The following PCED1A variants were observed in gnomAD, a reference collection of about 807,000 sequenced individuals.
PCED1A encodes the protein PC-esterase domain containing 1A, also known as PC-esterase domain-containing protein 1A.
A neutral mutation model predicts 41.9 loss-of-function variants in PCED1A; 20 were observed. The observed-to-expected ratio is 0.48, with a 90% CI of 0.34 to 0.69. The LOEUF (loss-of-function observed/expected upper bound fraction) is 0.69, where lower values mean the gene tolerates loss of function less well. Among genes scored for constraint, PCED1A ranks in the 30% least tolerant of loss-of-function variants. PCED1A has a pLI of 0.01. For synonymous variants in PCED1A, 236 were observed against 241.3 expected (o/e 0.98, Z 0.20); for missense variants, 498 against 602.1 (o/e 0.83, Z 1.81).
chr20:2,838,188 G>A lies in PCED1A; in HGVS notation c.841+44C>T, dbSNP rs760082867. On this transcript the variant is annotated intron_variant, in intron 6 of 7. Coordinates refer to ENST00000360652, the MANE Select transcript of PCED1A (RefSeq NM_022760.6). The surrounding 1 kb of genome is among the most constrained non-coding windows in gnomAD (Gnocchi z 5.8). ...TCTGTTTCTGAGCCCTGTCCTCTGA[G>A]GGCCCCAGTGCATCACTACCCCCCC... The A allele has an allele frequency of 1.5e-5, 24 of 1,611,938 alleles. No homozygotes were observed. Among genetic ancestry groups the A allele is most frequent in the African/African-American group, 4.0e-5 (3 of 74,868 alleles).
In PCED1A at chr20:2,839,907, G is replaced by A; in HGVS notation, c.6C>T (p.Val2=). M[V]FCLSSEEPRR... ...GCGGCTCCTCGCTCGACAGACAGAAGACCATGCCGCCACCAGCAACGACAG... is the reference window on the plus strand; with the variant it reads ...GCGGCTCCTCGCTCGACAGACAGAAAACCATGCCGCCACCAGCAACGACAG... The change falls in exon 2 of 8, where the codon GTC becomes GTT. Residue 2 remains valine (V), a synonymous_variant. Transcript: ENST00000360652. The A allele has an allele frequency of 6.2e-7, 1 of 1,612,208 alleles. No individual in the cohort carries two copies. The highest frequency in any genetic ancestry group is 8.5e-7 in the Non-Finnish European group (1 of 1,179,572).
chr20:2,837,972 T>C (rs1033434133), intron 6 of PCED1A, among the ~76,000 whole-genome samples: 4 of 152,216 alleles, frequency 2.6e-5, no homozygotes, highest in African/African-American at 9.6e-5. Flanking sequence ...TGCTGCCTTA[T>C]GTGGTCAATA....
In PCED1A at chr20:2,840,576, TG is replaced by T; in HGVS notation, c.-388del. 1.6e-6 allele frequency: 1 copy of T among 620,392 alleles called. No individual in the cohort carries two copies. The highest frequency in any genetic ancestry group is 1.9e-5 in the African/African-American group (1 of 52,310). The allele number at this position is 620,392 out of a possible 1,614,324, so 38.4% of individuals were successfully genotyped here. On this transcript the variant is annotated 5_prime_UTR_variant, in exon 1 of 8. Transcript: ENST00000360652. Reference sequence around the variant, plus strand: ...CGCCACAGGGCGCAGGAGCCAGGGCTGGGCCCACTTGGCGGGCGCGAAGCCC... The same window carrying T: ...CGCCACAGGGCGCAGGAGCCAGGGCTGGCCCACTTGGCGGGCGCGAAGCCC...
upstream of PCED1A, chr20:2,841,140 G>A (rs529061514): frequency 1.2e-4 from 53 of 445,916 alleles, no homozygotes; most frequent in Non-Finnish European, 2.0e-4. Flanking sequence ...TCTCCTGCCG[G>A]AAAGTGCTGC....
rs1192387408 is a variant in PCED1A at position 2,836,037 on chromosome 20, AC to A, written c.1117+1del. The A allele has an allele frequency of 1.4e-6, 2 of 1,479,780 alleles. No homozygotes were observed. Among genetic ancestry groups the A allele is most frequent in the Non-Finnish European group, 1.8e-6 (2 of 1,112,872 alleles). The allele number at this position is 1,479,780 out of a possible 1,614,324, so 91.7% of individuals were successfully genotyped here. On this transcript the variant is annotated splice_donor_variant, in intron 7 of 7. Transcript: ENST00000360652. LOFTEE classifies it high-confidence loss of function. ...GGGTGGGGGAGCTGCAGAAGCACCT[AC>A]CTAAGTGGGGTGGCATCGAGAAGTC...
upstream of PCED1A, chr20:2,841,108 G>A (rs1219776298): frequency 6.4e-5 from 32 of 499,638 alleles, no homozygotes; most frequent in South Asian, 6.8e-4. Flanking sequence ...GAGGCAGCTC[G>A]CGGGTGACAG....
intron 6 of PCED1A, among the ~76,000 whole-genome samples, chr20:2,837,562 A>G (rs1354995953): frequency 6.6e-6 from 1 of 152,202 alleles, no homozygotes; most frequent in African/African-American, 2.4e-5. Flanking sequence ...GGGTGTTGAC[A>G]TGGAAACAGA....
chr20:2,837,833 C>T (rs1447222050), intron 6 of PCED1A, among the ~76,000 whole-genome samples: 2 of 152,128 alleles, frequency 1.3e-5, no homozygotes, highest in African/African-American at 2.4e-5. Context: ...ACTGTACCCC[C>T]ACCCCCCAGC....
Position 2,840,212 on chromosome 20 carries a change from A to G in PCED1A, c.-23T>C. 3.6e-6 allele frequency: 1 copy of G among 274,638 alleles called. No homozygotes were observed. Among genetic ancestry groups the G allele is most frequent in the Non-Finnish European group, 6.8e-6 (1 of 147,574 alleles). The allele number at this position is 274,638 out of a possible 1,614,324, so 17.0% of individuals were successfully genotyped here. A position where few individuals can be genotyped will look rare whatever the true frequency, so the allele number is the denominator to read the frequency against. On this transcript the variant is annotated splice_region_variant and 5_prime_UTR_variant, in exon 1 of 8. Coordinates refer to ENST00000360652, the MANE Select transcript of PCED1A (RefSeq NM_022760.6). ...CGCGCACCCGCTCGCGCCAATTACC[A>G]AGTCCCGGGGCTCCGCGGTGTTCAC...
rs755283839 is a variant in PCED1A at position 2,838,624 on chromosome 20, C to T, written c.566G>A (p.Arg189His). Residue 189 changes from arginine (R) to histidine (H), a missense_variant, in exon 5 of 8, where the codon CGT becomes CAT. Physicochemically the swap from Arg to His is conservative, Grantham distance 29. Coordinates refer to ENST00000360652, the MANE Select transcript of PCED1A (RefSeq NM_022760.6). This position sits in a 1 kb window ranked among gnomAD's most constrained non-coding sequence, Gnocchi z 5.8. ...TGGCAGGAGGAAACCCCCAGTGATA[C>T]GTTCCCCGAGGGGCATCGCCATGTT... ...VWNMAMPLGE[R>H]ITGGFLLPEL... 1.2e-5 allele frequency: 19 copies of T among 1,614,102 alleles called. No individual in the cohort carries two copies. Among genetic ancestry groups the T allele is most frequent in the African/African-American group, 2.7e-5 (2 of 74,938 alleles).
At chr20:2,840,667 C>T (rs940056343), upstream of PCED1A, 9 of 1,245,570 alleles carry the variant, frequency 7.2e-6, no homozygotes, top group Middle Eastern at 2.7e-4. Flanking sequence ...ATGGCCGCGG[C>T]GGCGGCCTCG....
At chr20:2,840,688 C>G (rs1009216144), upstream of PCED1A, 16 of 1,445,386 alleles carry the variant, frequency 1.1e-5, no homozygotes, top group South Asian at 1.7e-4. Flanking sequence ...CCACGTGACC[C>G]GGACGGGCGG....
At position 2,838,698 on chromosome 20, in the gene PCED1A, C is replaced by T. The variant is rs1394481250; in HGVS notation, c.492G>A (p.Val164=). The T allele has an allele frequency of 9.9e-6, 16 of 1,614,108 alleles. No individual in the cohort carries two copies. The highest frequency in any genetic ancestry group is 5.0e-5 in the Admixed American group (3 of 60,014). Residue 164 remains valine (V), a synonymous_variant, in exon 5 of 8, where the codon GTG becomes GTA. Transcript: ENST00000360652. The surrounding 1 kb of genome is among the most constrained non-coding windows in gnomAD (Gnocchi z 5.8). ...GCAATACTTGGTCCATGCGCACAAA[C>T]ACCCGCTCCAGGTTCTCCCGGTAGC... ...MESYRENLER[V]FVRMDQVLPD...
At position 2,840,644 on chromosome 20, in the gene PCED1A, G is replaced by C; in HGVS notation, c.-455C>G. On this transcript the variant is annotated 5_prime_UTR_variant, in exon 1 of 8. Transcript: ENST00000360652. Reference sequence around the variant, plus strand: ...CTCGGGGCGGCAGCCAAGTGAGGCTGCCCACAGTGGTGATGGCCGCGGCGG... The same window carrying C: ...CTCGGGGCGGCAGCCAAGTGAGGCTCCCCACAGTGGTGATGGCCGCGGCGG... 1 of 1,010,924 alleles carries C rather than the reference G, an allele frequency of 9.9e-7. No homozygotes were observed. Among genetic ancestry groups the C allele is most frequent in the Non-Finnish European group, 1.5e-6 (1 of 665,134 alleles). The allele number at this position is 1,010,924 out of a possible 1,614,324, so 62.6% of individuals were successfully genotyped here. A position where few individuals can be genotyped will look rare whatever the true frequency, so the allele number is the denominator to read the frequency against.
chr20:2,839,927 C>G lies in PCED1A; in HGVS notation c.-15G>C, dbSNP rs2088922640. The G allele has an allele frequency of 1.9e-6, 3 of 1,608,584 alleles. No individual in the cohort carries two copies. The highest frequency in any genetic ancestry group is 2.5e-6 in the Non-Finnish European group (3 of 1,178,476). ...CAGAAGACCATGCCGCCACCAGCAA[C>G]GACAGGCTGCAGGGAGAGGCCACTA... On this transcript the variant is annotated 5_prime_UTR_variant, in exon 2 of 8. Coordinates refer to ENST00000360652, the MANE Select transcript of PCED1A (RefSeq NM_022760.6).
chr20:2,839,308 C>T, intron 2 of PCED1A, 37 bp from the exon 3 acceptor site: 1 of 1,593,650 alleles, frequency 6.3e-7, no homozygotes, highest in Non-Finnish European at 8.6e-7. Flanking sequence ...TGAGGCAGAC[C>T]TCAGCCTGCC....
chr20:2,837,774 A>G (rs1252578040), intron 6 of PCED1A, among the ~76,000 whole-genome samples: 3 of 152,086 alleles, frequency 2.0e-5, no homozygotes, highest in Admixed American at 6.5e-5. Flanking sequence ...CCAAGTCCAT[A>G]AGGCTGGCCT....
In PCED1A at chr20:2,840,327, C is replaced by T. The variant is rs1315489122; in HGVS notation, c.-138G>A. 8.0e-6 allele frequency: 2 copies of T among 248,898 alleles called. No homozygotes were observed. The highest frequency in any genetic ancestry group is 1.5e-5 in the Non-Finnish European group (2 of 129,924). 15.4% of individuals were successfully genotyped at this position (248,898 alleles called of 1,614,324 possible). A position where few individuals can be genotyped will look rare whatever the true frequency, so the allele number is the denominator to read the frequency against. ...TGTTCCCGCGCCCCAGTCGGCCAGT[C>T]GGTTCTGCAAAGCTCCCGCCCCGCA... On this transcript the variant is annotated 5_prime_UTR_variant, in exon 1 of 8. Transcript: ENST00000360652.
chr20:2,836,194 G>A lies in PCED1A; in HGVS notation c.962C>T (p.Pro321Leu). 1 of 1,612,704 alleles carries A rather than the reference G, an allele frequency of 6.2e-7. No individual in the cohort carries two copies. ...AGGAAGCGGGTAGGGAAAAGGCATG[G>A]GAGGAGGCAAAGAAGAAGGTGGGGG... ...LPPPPSSLPP[P>L]MPFPYPLPQP... is the part of the protein sequence containing the mutation. Residue 321 changes from proline to leucine, a missense_variant, in exon 7 of 8, where the codon CCC becomes CTC. Transcript: ENST00000360652.
Sources: gnomAD v4.1 joint callset for allele counts (sites outside exome capture counted in the v4.1 genomes callset) on GRCh38, gnomAD v4.1.1 for gene constraint, Gnocchi (gnomAD v3.1) non-coding constraint, MANE v1.5 for transcripts, NCBI Gene and HGNC (gene_info 2026-07-23, HGNC 2026-07-21) for gene names.